The following FAM186A variants were observed in gnomAD, a reference collection of about 807,000 sequenced individuals.
The protein encoded by FAM186A is protein FAM186A.
In FAM186A, 163 loss-of-function variants were observed where a neutral mutation model predicts 216.8. That is an observed-to-expected ratio of 0.75 (90% CI 0.66 to 0.86). FAM186A has a LOEUF of 0.86. Among genes scored for constraint, FAM186A ranks in the 40% least tolerant of loss-of-function variants. FAM186A has a pLI of 0.00. For missense variants in FAM186A, 2,184 were observed against 2,746.2 expected (o/e 0.80, Z 4.58); for synonymous variants, 805 against 1,025.3 (o/e 0.79, Z 4.10).
chr12:50,336,987 A>G (rs1349362361), intron 4 of FAM186A, among the ~76,000 whole-genome samples: 1 of 151,984 alleles, frequency 6.6e-6, no homozygotes, highest in African/African-American at 2.4e-5. Context: ...AGAGAGAAAG[A>G]ATAATTCTTA....
intron 3 of FAM186A, among the ~76,000 whole-genome samples, chr12:50,357,553 G>A (rs1308933119): frequency 6.7e-6 from 1 of 150,372 alleles, no homozygotes; most frequent in Non-Finnish European, 1.5e-5. Flanking sequence ...GAATGTCTGA[G>A]TGAGAAAATC....
rs760870643 is a variant in FAM186A, at chr12:50,350,929, A to G, written c.5903T>C (p.Leu1968Ser). ...GAAATCTGGAGCACTAGGATGGATC[A>G]ATACTGATTTAGATTTCAGAGAAGA... ...IISSLKSKSV[L>S]IHPSAPDFKV... The change falls in exon 4 of 8, where the codon TTG becomes TCG. Residue 1968 changes from leucine to serine, a missense_variant. This residue lies in a region of FAM186A where 721 missense variants were observed against 816.4 expected (regional missense o/e 0.88). Coordinates refer to ENST00000327337, the MANE Select transcript of FAM186A (RefSeq NM_001145475.3). 24 of 1,551,364 alleles carry G rather than the reference A, an allele frequency of 1.5e-5. No individual in the cohort carries two copies. The highest frequency in any genetic ancestry group is 2.1e-5 in the Non-Finnish European group (24 of 1,146,930).
At chr12:50,337,580 G>A (rs1455163294) in intron 4 of FAM186A, among the ~76,000 whole-genome samples, 1 of 150,930 alleles carries the variant, frequency 6.6e-6, no homozygotes, top group Non-Finnish European at 1.5e-5. Flanking sequence ...TGACAGGCAT[G>A]AGCCTGGTGA....
chr12:50,364,897 G>C (rs765603953), intron 1 of FAM186A, among the ~76,000 whole-genome samples: 1 of 151,788 alleles, frequency 6.6e-6, no homozygotes, highest in South Asian at 2.1e-4. Context: ...AAATAGCCAG[G>C]CATTGTGGTG....
rs1046002246 is a variant in FAM186A, at chr12:50,365,994, C to T, written c.193-2630G>A. 16 of 765,910 alleles carry T rather than the reference C, an allele frequency of 2.1e-5. 1 individual carries two copies. The highest frequency in any genetic ancestry group is 1.4e-4 in the Admixed American group (8 of 58,524). The allele number at this position is 765,910 out of a possible 1,614,324, so 47.4% of individuals were successfully genotyped here. A position where few individuals can be genotyped will look rare whatever the true frequency, so the allele number is the denominator to read the frequency against. On this transcript the variant is annotated intron_variant, in intron 1 of 7. Transcript: ENST00000327337. ...CACTAGGCTAAAACTGGACAAAGAC[C>T]GCAAAAAGATCCTTGAACAGAAAGC...
At chr12:50,384,868 C>T (rs770449253) in intron 1 of FAM186A, among the ~76,000 whole-genome samples, 56 of 151,886 alleles carry the variant, frequency 3.7e-4, no homozygotes, top group Non-Finnish European at 6.2e-4. Flanking sequence ...TGCATTGGCG[C>T]GATCTTGGCT....
chr12:50,353,909 G>T lies in FAM186A; in HGVS notation c.2923C>A (p.Leu975Ile), dbSNP rs766990742. ...TTGATCTGCCTTTCGAGGTCCTCTAGCCCTCTCTCTGGCTTCTGCTTTTCC... is the reference window on the plus strand; with the variant it reads ...TTGATCTGCCTTTCGAGGTCCTCTATCCCTCTCTCTGGCTTCTGCTTTTCC... ...GKEKQKPERG[L>I]EDLERQIKTK... Residue 975 changes from leucine to isoleucine, a missense_variant, in exon 4 of 8, where the codon CTA becomes ATA. Transcript: ENST00000327337. The T allele has an allele frequency of 2.6e-6, 4 of 1,552,756 alleles. No individual in the cohort carries two copies. The Admixed American group carries it at 7.8e-5, about 30-fold the overall frequency.
At chr12:50,372,011 C>T (rs566341627) in intron 1 of FAM186A, among the ~76,000 whole-genome samples, 2 of 152,034 alleles carry the variant, frequency 1.3e-5, no homozygotes, top group African/African-American at 4.8e-5. Context: ...GGGGTTTCAC[C>T]ATGTTGGTCA....
rs910390667 is a variant in FAM186A at position 50,353,444 on chromosome 12, C to T, written c.3388G>A (p.Ala1130Thr). 6.6e-7 allele frequency: 1 copy of T among 1,525,692 alleles called. No homozygotes were observed. The highest frequency in any genetic ancestry group is 8.8e-7 in the Non-Finnish European group (1 of 1,135,348). The allele number at this position is 1,525,692 out of a possible 1,614,324, so 94.5% of individuals were successfully genotyped here. The change falls in exon 4 of 8, where the codon GCC (alanine) becomes ACC (threonine). Residue 1130 changes from alanine to threonine, a missense_variant. This residue lies in a region of FAM186A where 267 missense variants were observed against 446.2 expected (regional missense o/e 0.60). Coordinates refer to ENST00000327337, the MANE Select transcript of FAM186A (RefSeq NM_001145475.3). The part of the protein sequence containing the change: ...EILFTPQQAQ[A>T]LGIPLTPQQT... Reference sequence around the variant, plus strand: ...TGAGGGGTGAGAGGGATCCCCAGGGCCTGCGCCTGCTGAGGGGTGAAAAGG... The same window carrying T: ...TGAGGGGTGAGAGGGATCCCCAGGGTCTGCGCCTGCTGAGGGGTGAAAAGG...
chr12:50,348,353 T>C (rs1443914749), intron 4 of FAM186A, among the ~76,000 whole-genome samples: 1 of 151,634 alleles, frequency 6.6e-6, no homozygotes, highest in Non-Finnish European at 1.5e-5. Context: ...GTATTTTTAG[T>C]AGAGAAGGGG....
intron 1 of FAM186A, among the ~76,000 whole-genome samples, chr12:50,388,110 T>C (rs1238400668): frequency 2.0e-5 from 3 of 152,146 alleles, no homozygotes; most frequent in Non-Finnish European, 4.4e-5. Context: ...GATAAGCAGC[T>C]TGACCTTCAG....
chr12:50,396,305 A>T lies in FAM186A; in HGVS notation c.180T>A (p.His60Gln). ...IISRIERAQL[H>Q]RAREDIDMQL... is the part of the protein sequence containing the mutation. ...ATTCACTACCTACCTCTCTGGCTCG[A>T]TGGAGCTGTGCGCGCTCAATCCTAG... Residue 60 changes from histidine (H) to glutamine (Q), a missense_variant, in exon 1 of 8, where the codon CAT becomes CAA. Around this residue, in one of 7 missense-constraint regions of FAM186A, gnomAD observed 1,132 missense variants for 1,263.4 expected, o/e 0.90. Coordinates refer to ENST00000327337, the MANE Select transcript of FAM186A (RefSeq NM_001145475.3). The T allele has an allele frequency of 6.5e-7, 1 of 1,539,054 alleles. No individual in the cohort carries two copies. The highest frequency in any genetic ancestry group is 8.8e-7 in the Non-Finnish European group (1 of 1,142,026).
chr12:50,378,826 C>A lies in FAM186A; in HGVS notation c.193-15462G>T, dbSNP rs567374336. Among the ~76,000 whole-genome samples, 102 of 152,094 alleles carry A rather than the reference C, an allele frequency of 6.7e-4. 1 individual carries two copies. Among genetic ancestry groups the A allele is most frequent in the South Asian group, 3.5e-3 (17 of 4,826 alleles). On this transcript the variant is annotated intron_variant, in intron 1 of 7. Transcript: ENST00000327337. ...AACTTCAGGTACACTTAAATTTTAA[C>A]CCAGCAATCCCATTTCTAGGAATAT...
Position 50,362,098 on chromosome 12 carries a change from G to C in FAM186A, c.412+1047C>G, listed in dbSNP as rs533000729. ...AACAGTACACCTGCCTCAGCCTCCC[G>C]AGTAGCTGGGAATAGAGGCATATGC... On this transcript the variant is annotated intron_variant, in intron 2 of 7. Coordinates refer to ENST00000327337, the MANE Select transcript of FAM186A (RefSeq NM_001145475.3). Among the ~76,000 whole-genome samples, 4 of 151,394 alleles carry C rather than the reference G, an allele frequency of 2.6e-5. No individual in the cohort carries two copies. The East Asian group carries it at 7.9e-4, about 30-fold the overall frequency.
intron 1 of FAM186A, among the ~76,000 whole-genome samples, chr12:50,375,850 C>A (rs147597927): frequency 1.9e-3 from 285 of 152,194 alleles, no homozygotes; most frequent in South Asian, 3.9e-3. Context: ...TTTGCTCATG[C>A]CCACTGGGCT....
At chr12:50,329,906 T>C (rs1202776521) in intron 7 of FAM186A, among the ~76,000 whole-genome samples, 2 of 152,188 alleles carry the variant, frequency 1.3e-5, no homozygotes, top group East Asian at 3.8e-4. Context: ...TAACACTACT[T>C]CTTACGTGAG....
Position 50,396,337 on chromosome 12 carries a change from TA to T in FAM186A, c.147del (p.Asp49GlufsTer22). ...TGTGCGCGCTCAATCCTAGAGATGA[TA>T]TCCTTTACTGAGAATGGGATCTCAA... is the stretch of plus-strand genomic sequence containing the variant. ...PNLEIPFSVKDIISRIERAQL... is the reference protein window; with the variant it reads ...PNLEIPFSVKXIISRIERAQL... On this transcript the variant is annotated frameshift_variant, in exon 1 of 8. Transcript: ENST00000327337. LOFTEE classifies it high-confidence loss of function. The T allele has an allele frequency of 6.4e-7, 1 of 1,551,588 alleles. No individual in the cohort carries two copies. The highest frequency in any genetic ancestry group is 1.7e-4 in the Middle Eastern group (1 of 5,992).
intron 1 of FAM186A, among the ~76,000 whole-genome samples, chr12:50,367,687 G>A (rs921896360): frequency 8.3e-5 from 2 of 24,156 alleles, no homozygotes; most frequent in Non-Finnish European, 1.8e-4. Context: ...GTGCATGTGC[G>A]TGCACACACA....
At chr12:50,395,424 A>G (rs773579108) in intron 1 of FAM186A, among the ~76,000 whole-genome samples, 4 of 152,122 alleles carry the variant, frequency 2.6e-5, no homozygotes, top group Non-Finnish European at 4.4e-5. Context: ...AAAATGCAGT[A>G]TAACCTTAAT....
Sources: gnomAD v4.1 joint callset for allele counts (sites outside exome capture counted in the v4.1 genomes callset) on GRCh38, gnomAD v4.1.1 for gene constraint, gnomAD v4.1.1 regional missense constraint, MANE v1.5 for transcripts, NCBI Gene and HGNC (gene_info 2026-07-23, HGNC 2026-07-21) for gene names.